The following FOXK2 variants were observed in gnomAD, a reference collection of about 807,000 sequenced individuals.
FOXK2 encodes the protein forkhead box K2, also known as forkhead box protein K2.
In FOXK2, 24 loss-of-function variants were observed where a neutral mutation model predicts 53.3. The observed-to-expected ratio is 0.45, with a 90% CI of 0.33 to 0.63. The LOEUF (loss-of-function observed/expected upper bound fraction) is 0.63, where lower values mean the gene tolerates loss of function less well. Among genes scored for constraint, FOXK2 ranks in the 30% least tolerant of loss-of-function variants. The pLI is 0.03. For synonymous variants in FOXK2, 505 were observed against 407.1 expected (o/e 1.24, Z -2.89); for missense variants, 952 against 910.5 (o/e 1.05, Z -0.59).
At chr17:82,558,792 G>T (rs1192595494) in intron 1 of FOXK2, among the ~76,000 whole-genome samples, 1 of 152,104 alleles carries the variant, frequency 6.6e-6, no homozygotes, top group African/African-American at 2.4e-5. Flanking sequence ...TGTCGCCCAG[G>T]CTGGAGTGCA....
intron 1 of FOXK2, among the ~76,000 whole-genome samples, chr17:82,530,445 TAAAAAAAAAA>T (rs919452670): frequency 1.3e-5 from 1 of 78,876 alleles, no homozygotes. Context: ...AAACTCCATC[TAAAAAAAAAA>T]AAAAAAAAAA....
At chr17:82,554,649 C>T (rs995499345) in intron 1 of FOXK2, among the ~76,000 whole-genome samples, 7 of 152,126 alleles carry the variant, frequency 4.6e-5, no homozygotes, top group Admixed American at 1.3e-4. Context: ...CCTGTCCCTT[C>T]CTTCCATTTT....
intron 6 of FOXK2, 68 bp downstream of exon 6, chr17:82,584,256 A>C (rs978556058): frequency 1.7e-5 from 25 of 1,457,494 alleles, no homozygotes; most frequent in Non-Finnish European, 2.2e-5. Context: ...TGGGCTCCAC[A>C]GAGAAGAAAC....
chr17:82,592,234 G>A (rs1043251349), intron 8 of FOXK2, among the ~76,000 whole-genome samples: 1 of 152,218 alleles, frequency 6.6e-6, no homozygotes, highest in Non-Finnish European at 1.5e-5. Flanking sequence ...GGGAGTTCGG[G>A]GCTGAGCTGT....
In FOXK2 at chr17:82,560,614, CTTG is replaced by C. The variant is rs544821122; in HGVS notation, c.420-2739_420-2737del. Among the ~76,000 whole-genome samples the C allele has an allele frequency of 1.1e-4, 17 of 152,340 alleles. No individual in the cohort carries two copies. The South Asian group carries it at 3.3e-3, about 30-fold the overall frequency. ...TTCGATACCAGTGGTCTGCTTCTCT[CTTG>C]GTCTTCGTTGATTCAGTTAATAATT... On this transcript the variant is annotated intron_variant, in intron 1 of 8. Coordinates refer to ENST00000335255, the MANE Select transcript of FOXK2 (RefSeq NM_004514.4).
Position 82,601,679 on chromosome 17 carries a change from C to A in FOXK2, c.*180C>A. On this transcript the variant is annotated 3_prime_UTR_variant, in exon 9 of 9. Transcript: ENST00000335255. ...GACAGAAGTCACACTTGAACAAAAC[C>A]CACACACAACAAAACCTGATTTGGG... 2 of 578,872 alleles carry A rather than the reference C, an allele frequency of 3.5e-6. No individual in the cohort carries two copies. The highest frequency in any genetic ancestry group is 4.7e-4 in the Middle Eastern group (1 of 2,132). The allele number at this position is 578,872 out of a possible 1,614,324, so 35.9% of individuals were successfully genotyped here.
At chr17:82,550,730 C>CT (rs2044668985) in intron 1 of FOXK2, among the ~76,000 whole-genome samples, 1 of 152,040 alleles carries the variant, frequency 6.6e-6, no homozygotes, top group Non-Finnish European at 1.5e-5. Flanking sequence ...TGGTCTCGAT[C>CT]TTCTGACCTT....
chr17:82,586,697 T>C (rs1189769603), intron 7 of FOXK2, among the ~76,000 whole-genome samples: 4 of 151,668 alleles, frequency 2.6e-5, no homozygotes, highest in African/African-American at 7.3e-5. Context: ...AGGTTAGGAG[T>C]TGGAGACCAG....
chr17:82,597,518 C>T (rs748377997), intron 8 of FOXK2, among the ~76,000 whole-genome samples: 10 of 152,238 alleles, frequency 6.6e-5, no homozygotes, highest in East Asian at 1.9e-4. Flanking sequence ...GCTTCAGGGC[C>T]GGGCGTGTTA....
chr17:82,566,798 G>A (rs907334243), intron 2 of FOXK2, among the ~76,000 whole-genome samples: 2 of 152,120 alleles, frequency 1.3e-5, no homozygotes, highest in Non-Finnish European at 2.9e-5. Flanking sequence ...TTGTCAGGGG[G>A]AACCCAGGTC....
Position 82,601,600 on chromosome 17 carries a change from T to C in FOXK2, c.*101T>C. 2.4e-6 allele frequency: 3 copies of C among 1,247,372 alleles called. No individual in the cohort carries two copies. Among genetic ancestry groups the C allele is most frequent in the Non-Finnish European group, 3.3e-6 (3 of 920,358 alleles). The allele number at this position is 1,247,372 out of a possible 1,614,324, so 77.3% of individuals were successfully genotyped here. On this transcript the variant is annotated 3_prime_UTR_variant, in exon 9 of 9. Coordinates refer to ENST00000335255, the MANE Select transcript of FOXK2 (RefSeq NM_004514.4). ...GGGGTGCAGGGCCCTGTGGTTGGAC[T>C]TCACCTCTCAGCACTGAAAACCCAA...
At position 82,601,787 on chromosome 17, in the gene FOXK2, G is replaced by A. The variant is rs1279598431; in HGVS notation, c.*288G>A. On this transcript the variant is annotated 3_prime_UTR_variant, in exon 9 of 9. Transcript: ENST00000335255. ...TGTCCTCCCGCGAGGACCAGGCATCGCTGTGTGAGGACGGCACGGCCAGCG... is the reference window on the plus strand; with the variant it reads ...TGTCCTCCCGCGAGGACCAGGCATCACTGTGTGAGGACGGCACGGCCAGCG... 2 of 324,858 alleles carry A rather than the reference G, an allele frequency of 6.2e-6. No homozygotes were observed. Among genetic ancestry groups the A allele is most frequent in the Non-Finnish European group, 1.2e-5 (2 of 173,392 alleles). 20.1% of individuals were successfully genotyped at this position (324,858 alleles called of 1,614,324 possible). A position where few individuals can be genotyped will look rare whatever the true frequency, so the allele number is the denominator to read the frequency against.
intron 1 of FOXK2, chr17:82,559,433 C>T (rs767256238): frequency 8.8e-6 from 4 of 456,234 alleles, no homozygotes; most frequent in Non-Finnish European, 1.8e-5. Context: ...CTGTTTGTGT[C>T]CACCTGGTTC....
At chr17:82,534,088 AAG>A (rs1316530662) in intron 1 of FOXK2, among the ~76,000 whole-genome samples, 9 of 151,802 alleles carry the variant, frequency 5.9e-5, no homozygotes, top group East Asian at 5.8e-4. Flanking sequence ...AAAAAAAAAA[AAG>A]AGAAAAATAG....
At chr17:82,551,513 TAA>T (rs927727142) in intron 1 of FOXK2, among the ~76,000 whole-genome samples, 3 of 151,386 alleles carry the variant, frequency 2.0e-5, no homozygotes, top group African/African-American at 7.3e-5. Flanking sequence ...CTGTCTGTAC[TAA>T]AAAAAATTAC....
chr17:82,597,851 C>T (rs1292389136), intron 8 of FOXK2, among the ~76,000 whole-genome samples: 1 of 152,086 alleles, frequency 6.6e-6, no homozygotes, highest in African/African-American at 2.4e-5. Context: ...GGTTGCACCA[C>T]GTTGGCCAGG....
chr17:82,560,540 T>A (rs1180217819), intron 1 of FOXK2, among the ~76,000 whole-genome samples: 1 of 152,276 alleles, frequency 6.6e-6, no homozygotes, highest in Non-Finnish European at 1.5e-5. Context: ...AGCATTTTGC[T>A]GTCTTTTGTT....
intron 1 of FOXK2, among the ~76,000 whole-genome samples, chr17:82,522,944 G>A (rs1035650567): frequency 3.3e-5 from 5 of 152,098 alleles, no homozygotes; most frequent in East Asian, 3.9e-4. Context: ...ACAGGCACAC[G>A]CCACCACACC....
intron 4 of FOXK2, chr17:82,578,350 A>T (rs1273072384): frequency 6.6e-6 from 1 of 152,264 alleles, no homozygotes; most frequent in Non-Finnish European, 1.5e-5. Flanking sequence ...CTCAATTTGG[A>T]AAGCCTTTGG....
Sources: gnomAD v4.1 joint callset for allele counts (sites outside exome capture counted in the v4.1 genomes callset) on GRCh38, gnomAD v4.1.1 for gene constraint, MANE v1.5 for transcripts, NCBI Gene and HGNC (gene_info 2026-07-23, HGNC 2026-07-21) for gene names.